Variants in GABBR2 observed in about 807,000 individuals in gnomAD.
GABBR2 encodes G-protein coupled receptor 51.
In GABBR2, 23 loss-of-function variants were observed where a neutral mutation model predicts 105.6. The ratio of observed to expected loss-of-function variants is 0.22; its 90% confidence interval spans 0.16 to 0.31. The LOEUF (loss-of-function observed/expected upper bound fraction) is 0.31, where lower values mean the gene tolerates loss of function less well. GABBR2 is among the 10% of genes least tolerant of loss of function. GABBR2 has a pLI of 1.00. For synonymous variants in GABBR2, 478 were observed against 499.7 expected (o/e 0.96, Z 0.58); for missense variants, 734 against 1,245.5 (o/e 0.59, Z 6.18).
rs1554700490 is a variant in GABBR2, at chr9:98,398,326, A to AC, written c.1298-4072dup. 4.6e-5 allele frequency among the ~76,000 whole-genome samples: 7 copies of AC among 151,144 alleles called. No homozygotes were observed. The East Asian group carries it at 5.8e-4, about 13-fold the overall frequency. ...ATAAATGTACTCAATTCTAGGACCC[A>AC]CCCCCCAAACTCAGGCATAGAAAAG... On this transcript the variant is annotated intron_variant, in intron 8 of 18. Coordinates refer to ENST00000259455, the MANE Select transcript of GABBR2 (RefSeq NM_005458.8).
At chr9:98,610,244 T>G (rs1446173713) in intron 1 of GABBR2, among the ~76,000 whole-genome samples, 1 of 152,232 alleles carries the variant, frequency 6.6e-6, no homozygotes, top group Non-Finnish European at 1.5e-5. Context: ...AGCCTCAGTT[T>G]CCTGCCTATA....
intron 2 of GABBR2, among the ~76,000 whole-genome samples, chr9:98,573,288 A>T (rs1390197716): frequency 1.3e-5 from 2 of 152,030 alleles, no homozygotes; most frequent in African/African-American, 4.8e-5. Context: ...AACACTTATT[A>T]TTTTTTTTAA....
At chr9:98,583,258 G>A (rs1829027737) in intron 1 of GABBR2, among the ~76,000 whole-genome samples, 1 of 152,202 alleles carries the variant, frequency 6.6e-6, no homozygotes. Context: ...TTCTAATGCT[G>A]TGTCTTCTTA....
chr9:98,400,561 G>C (rs1019532954), intron 8 of GABBR2, among the ~76,000 whole-genome samples: 2 of 152,148 alleles, frequency 1.3e-5, no homozygotes, highest in African/African-American at 4.8e-5. Flanking sequence ...GGGTCCATAA[G>C]GGAACATATA....
intron 3 of GABBR2, among the ~76,000 whole-genome samples, chr9:98,508,284 G>A (rs978041469): frequency 3.3e-5 from 5 of 152,218 alleles, no homozygotes; most frequent in Non-Finnish European, 5.9e-5. Context: ...CTGGGGAGGA[G>A]GAGCCAAGAT....
chr9:98,465,913 G>A (rs1011956056), intron 6 of GABBR2, among the ~76,000 whole-genome samples: 4 of 152,216 alleles, frequency 2.6e-5, no homozygotes, highest in Non-Finnish European at 5.9e-5. Flanking sequence ...CAGTGTTGGA[G>A]GAGGAGCGGC....
chr9:98,370,736 AG>A (rs933288215), intron 12 of GABBR2, among the ~76,000 whole-genome samples: 3 of 152,226 alleles, frequency 2.0e-5, no homozygotes, highest in African/African-American at 7.2e-5. Flanking sequence ...TCCAGAAGAA[AG>A]GGGAGCTCCA....
chr9:98,313,416 A>G (rs1220567662), intron 13 of GABBR2, among the ~76,000 whole-genome samples: 2 of 152,196 alleles, frequency 1.3e-5, no homozygotes, highest in Admixed American at 1.3e-4. Context: ...TCTAGATAAG[A>G]TCCAACACTG....
intron 3 of GABBR2, among the ~76,000 whole-genome samples, chr9:98,515,531 C>T (rs1827740302): frequency 6.6e-6 from 1 of 152,118 alleles, no homozygotes; most frequent in East Asian, 1.9e-4. Flanking sequence ...TTTGCAAACC[C>T]CCTTTCTTGG....
At chr9:98,689,276 TC>T (rs1224382553) in intron 1 of GABBR2, among the ~76,000 whole-genome samples, 17 of 152,210 alleles carry the variant, frequency 1.1e-4, no homozygotes, top group Non-Finnish European at 2.9e-5. Flanking sequence ...TCAGTTTGAA[TC>T]CCAGCTTACT....
At chr9:98,646,776 A>G (rs1173752918) in intron 1 of GABBR2, among the ~76,000 whole-genome samples, 1 of 152,174 alleles carries the variant, frequency 6.6e-6, no homozygotes, top group African/African-American at 2.4e-5. Flanking sequence ...GGCTGGCACA[A>G]AGTCCCAAGG....
At chr9:98,460,132 A>G (rs770612994) in intron 6 of GABBR2, among the ~76,000 whole-genome samples, 1 of 152,204 alleles carries the variant, frequency 6.6e-6, no homozygotes, top group Non-Finnish European at 1.5e-5. Context: ...GTTGGCGGGA[A>G]TGGTGGCTCA....
chr9:98,593,125 C>T (rs1829170531), intron 1 of GABBR2, among the ~76,000 whole-genome samples: 1 of 152,148 alleles, frequency 6.6e-6, no homozygotes, highest in African/African-American at 2.4e-5. Context: ...GGATTACAGG[C>T]GTGAGCCACC....
At chr9:98,343,292 C>T (rs779035843) in intron 13 of GABBR2, among the ~76,000 whole-genome samples, 25 of 152,156 alleles carry the variant, frequency 1.6e-4, no homozygotes, top group Non-Finnish European at 2.6e-4. Flanking sequence ...GAGAAGACTT[C>T]GGGGTGTGCA....
At chr9:98,679,024 A>C (rs1830508403) in intron 1 of GABBR2, among the ~76,000 whole-genome samples, 1 of 152,204 alleles carries the variant, frequency 6.6e-6, no homozygotes, top group African/African-American at 2.4e-5. Context: ...AAGCCCTCTT[A>C]GCAAATGGGA....
chr9:98,290,706 C>T lies in GABBR2; in HGVS notation c.2704G>A (p.Ala902Thr), dbSNP rs763629469. 3 of 1,487,176 alleles carry T rather than the reference C, an allele frequency of 2.0e-6. No individual in the cohort carries two copies. Among genetic ancestry groups the T allele is most frequent in the East Asian group, 2.7e-5 (1 of 36,482 alleles). The allele number at this position is 1,487,176 out of a possible 1,614,324, so 92.1% of individuals were successfully genotyped here. ...ACGCCTCCGATGGATGGGAGGTAGG[C>T]GTGGTGGAGGATGGGGAGCTGGAGG... Reference protein sequence around the residue: ...LSLQLPILHHAYLPSIGGVDA... With the variant: ...LSLQLPILHHTYLPSIGGVDA... Residue 902 changes from alanine to threonine, a missense_variant, in exon 19 of 19, where the codon GCC (alanine) becomes ACC (threonine). Ala to Thr is a moderately conservative substitution (Grantham distance 58). Around this residue, in one of 7 missense-constraint regions of GABBR2, gnomAD observed 134 missense variants for 171.2 expected, o/e 0.78. Coordinates refer to ENST00000259455, the MANE Select transcript of GABBR2 (RefSeq NM_005458.8).
chr9:98,491,540 C>T (rs996251756), intron 4 of GABBR2, among the ~76,000 whole-genome samples: 2 of 152,068 alleles, frequency 1.3e-5, no homozygotes, highest in Admixed American at 1.3e-4. Flanking sequence ...TTTTGTGTTT[C>T]TGCAGCTTCA....
At chr9:98,449,540 A>G (rs1461215933) in intron 7 of GABBR2, among the ~76,000 whole-genome samples, 1 of 152,072 alleles carries the variant, frequency 6.6e-6, no homozygotes, top group Admixed American at 6.6e-5. Flanking sequence ...CTTTACTGTA[A>G]GACCACAGAA....
rs112080461 is a variant in GABBR2 at position 98,497,427 on chromosome 9, TA to T, written c.631-914del. Among the ~76,000 whole-genome samples, 236 of 150,016 alleles carry T rather than the reference TA, an allele frequency of 1.6e-3. 6 individuals carry two copies. In the East Asian group the frequency reaches 0.035, roughly 22 times the overall value. The stretch of plus-strand genomic sequence containing the variant: ...TTTAAATGTTGATACTATTTTGAAT[TA>T]AAAAAAAAAGAAAGTAAGGATCAAA... On this transcript the variant is annotated intron_variant, in intron 3 of 18. Coordinates refer to ENST00000259455, the MANE Select transcript of GABBR2 (RefSeq NM_005458.8).
Sources: gnomAD v4.1 joint callset for allele counts (sites outside exome capture counted in the v4.1 genomes callset) on GRCh38, gnomAD v4.1.1 for gene constraint, gnomAD v4.1.1 regional missense constraint, MANE v1.5 for transcripts, NCBI Gene and HGNC (gene_info 2026-07-23, HGNC 2026-07-21) for gene names.